FILIP1: variants seen among roughly 807,000 people sequenced by gnomAD.
FILIP1 encodes the protein filamin-A-interacting protein 1.
FILIP1 carries 61 observed loss-of-function variants against 102.1 expected under a neutral mutation model. The observed-to-expected ratio is 0.60, with a 90% CI of 0.49 to 0.74. The LOEUF is 0.74. FILIP1 is among the 30% of genes least tolerant of loss of function. FILIP1 has a pLI of 0.00. For missense variants in FILIP1, 1,314 were observed against 1,441.2 expected, an observed-to-expected ratio of 0.91 and a Z score of 1.43; for synonymous variants, 491 against 526.9, an observed-to-expected ratio of 0.93 and a Z score of 0.93.
At chr6:75,382,498 G>C (rs1157876261) in intron 2 of FILIP1, among the ~76,000 whole-genome samples, 1 of 152,092 alleles carries the variant, frequency 6.6e-6, no homozygotes, top group Non-Finnish European at 1.5e-5. Flanking sequence ...GTTTGATTCT[G>C]GGCCAGAAAA....
chr6:75,457,389 A>C (rs2149744279), intron 1 of FILIP1, among the ~76,000 whole-genome samples: 1 of 152,330 alleles, frequency 6.6e-6, no homozygotes, highest in South Asian at 2.1e-4. Context: ...AGAAAGGAGG[A>C]GTGAACTACC....
At chr6:75,303,888 C>T (rs1351618432), downstream of FILIP1, among the ~76,000 whole-genome samples, 1 of 151,882 alleles carries the variant, frequency 6.6e-6, no homozygotes, top group Non-Finnish European at 1.5e-5. Flanking sequence ...AAACAGAGAA[C>T]TCAACATAGG....
chr6:75,430,713 T>G (rs1777795749), intron 1 of FILIP1, among the ~76,000 whole-genome samples: 1 of 152,206 alleles, frequency 6.6e-6, no homozygotes, highest in Admixed American at 6.5e-5. Context: ...GTCTCATATC[T>G]GAGGATTAAC....
intron 4 of FILIP1, among the ~76,000 whole-genome samples, chr6:75,342,525 C>A (rs932480814): frequency 1.2e-4 from 18 of 152,304 alleles, no homozygotes; most frequent in Non-Finnish European, 7.4e-5. Context: ...GTATGCTCAC[C>A]CAAGCCTAGT....
chr6:75,364,656 C>T (rs1275069681), intron 2 of FILIP1, among the ~76,000 whole-genome samples: 1 of 152,222 alleles, frequency 6.6e-6, no homozygotes, highest in Admixed American at 6.5e-5. Context: ...CACTCCTGAC[C>T]AATTACATTC....
At chr6:75,390,869 A>AT (rs952645463) in intron 2 of FILIP1, among the ~76,000 whole-genome samples, 5 of 151,796 alleles carry the variant, frequency 3.3e-5, no homozygotes, top group African/African-American at 1.2e-4. Context: ...ACTTTTGCCA[A>AT]TTTTTTTGTG....
chr6:75,321,742 C>T (rs1033238909), intron 4 of FILIP1, among the ~76,000 whole-genome samples: 192 of 151,026 alleles, frequency 1.3e-3, no homozygotes, highest in African/African-American at 4.6e-3. Context: ...TGCAGTGAGC[C>T]GAGATTGCGC....
Position 75,308,525 on chromosome 6 carries a change from A to G in FILIP1, c.*166T>C. 6.9e-7 allele frequency: 1 copy of G among 1,443,550 alleles called. No individual in the cohort carries two copies. Among genetic ancestry groups the G allele is most frequent in the Non-Finnish European group, 9.1e-7 (1 of 1,101,974 alleles). 89.4% of individuals were successfully genotyped at this position (1,443,550 alleles called of 1,614,324 possible). On this transcript the variant is annotated 3_prime_UTR_variant, in exon 6 of 6. Coordinates refer to ENST00000237172, the MANE Select transcript of FILIP1 (RefSeq NM_015687.5). ...TGCTAATTTTGTTCCCCAGCATCAA[A>G]ACAAATGCACAAAATGGGAAAGACA...
chr6:75,491,608 A>G (rs963335477), intron 1 of FILIP1, among the ~76,000 whole-genome samples: 31 of 152,274 alleles, frequency 2.0e-4, no homozygotes, highest in Admixed American at 1.8e-3. Context: ...ATGGAATCTA[A>G]CAACTTTTAT....
At position 75,369,332 on chromosome 6, in the gene FILIP1, G is replaced by C. The variant is rs1334059815; in HGVS notation, c.277-6415C>G. On this transcript the variant is annotated intron_variant, in intron 2 of 5. Transcript: ENST00000237172. Reference sequence around the variant, plus strand: ...GTGAATCTGGACTTTTGCAAACCAGGACAGTCCCAGGCAAACCAGGACAAG... The same window carrying C: ...GTGAATCTGGACTTTTGCAAACCAGCACAGTCCCAGGCAAACCAGGACAAG... Among the ~76,000 whole-genome samples the C allele has an allele frequency of 2.6e-5, 4 of 152,134 alleles. No homozygotes were observed. The East Asian group carries it at 5.8e-4, about 22-fold the overall frequency.
intron 1 of FILIP1, among the ~76,000 whole-genome samples, chr6:75,453,024 A>G (rs1021984451): frequency 6.6e-6 from 1 of 152,200 alleles, no homozygotes; most frequent in Admixed American, 6.5e-5. Flanking sequence ...TGTTCGCTGT[A>G]ATTTCCAGCA....
At chr6:75,422,220 A>G (rs982093133) in intron 1 of FILIP1, among the ~76,000 whole-genome samples, 29 of 152,058 alleles carry the variant, frequency 1.9e-4, no homozygotes, top group African/African-American at 7.0e-4. Context: ...CTTTATTATT[A>G]TAATTCTGAT....
At chr6:75,447,628 C>T (rs1156343814) in intron 1 of FILIP1, among the ~76,000 whole-genome samples, 2 of 152,104 alleles carry the variant, frequency 1.3e-5, no homozygotes, top group Admixed American at 1.3e-4. Flanking sequence ...ACTTTGAAAG[C>T]TAATGTTAAG....
intron 6 of FILIP1, among the ~76,000 whole-genome samples, chr6:75,300,381 C>T (rs760785741): frequency 1.6e-4 from 25 of 152,196 alleles, no homozygotes; most frequent in Non-Finnish European, 3.1e-4. Context: ...ACCAGGGGCT[C>T]TGCCTAGAGG....
At chr6:75,390,095 G>A (rs183215338) in intron 2 of FILIP1, among the ~76,000 whole-genome samples, 162 of 152,256 alleles carry the variant, frequency 1.1e-3, no homozygotes, top group African/African-American at 3.6e-3. Context: ...ACGCATCTGC[G>A]GTCAAGTTTG....
At chr6:75,402,345 A>G (rs1314367459) in intron 2 of FILIP1, among the ~76,000 whole-genome samples, 5 of 152,198 alleles carry the variant, frequency 3.3e-5, no homozygotes, top group Non-Finnish European at 7.3e-5. Flanking sequence ...TTAATCAGAA[A>G]GCAACCTGTC....
chr6:75,304,373 A>G (rs1474152611), downstream of FILIP1, among the ~76,000 whole-genome samples: 1 of 152,008 alleles, frequency 6.6e-6, no homozygotes, highest in African/African-American at 2.4e-5. Flanking sequence ...CACCATGCCC[A>G]GCTAATTTTT....
intron 5 of FILIP1, among the ~76,000 whole-genome samples, chr6:75,309,452 G>A (rs1773106170): frequency 6.6e-6 from 1 of 152,070 alleles, no homozygotes; most frequent in African/African-American, 2.4e-5. Context: ...ATCTCTTGCT[G>A]GCTTCTTGTT....
chr6:75,452,818 TC>T (rs1223286790), intron 1 of FILIP1, among the ~76,000 whole-genome samples: 1 of 152,232 alleles, frequency 6.6e-6, no homozygotes, highest in African/African-American at 2.4e-5. Context: ...ACTTATTTTT[TC>T]CCAAATAGTC....
Sources: gnomAD v4.1 joint callset for allele counts (sites outside exome capture counted in the v4.1 genomes callset) on GRCh38, gnomAD v4.1.1 for gene constraint, MANE v1.5 for transcripts, NCBI Gene and HGNC (gene_info 2026-07-23, HGNC 2026-07-21) for gene names.